MLXIP: variants seen among roughly 807,000 people sequenced by gnomAD.
MLXIP encodes MLX interacting protein.
In MLXIP, 30 loss-of-function variants were observed where a neutral mutation model predicts 87.2. The ratio of observed to expected loss-of-function variants is 0.34; its 90% CI spans 0.26 to 0.47. MLXIP has a LOEUF of 0.47. Among genes scored for constraint, MLXIP ranks in the 20% least tolerant of loss-of-function variants. The pLI, the probability that MLXIP is intolerant of heterozygous loss-of-function variation, is 1.00. For missense variants in MLXIP, 1,002 were observed against 1,240.1 expected, an observed-to-expected ratio of 0.81 and a Z score of 2.88; for synonymous variants, 530 against 514.0, an observed-to-expected ratio of 1.03 and a Z score of -0.42.
intron 5 of MLXIP, 126 bp downstream of exon 5, chr12:122,129,755 C>A: frequency 7.3e-7 from 1 of 1,366,474 alleles, no homozygotes; most frequent in Non-Finnish European, 1.0e-6. Flanking sequence ...TCAGGAATGG[C>A]TCAAGAAGCA....
At chr12:122,112,412 G>A (rs964005938) in intron 1 of MLXIP, among the ~76,000 whole-genome samples, 1 of 152,168 alleles carries the variant, frequency 6.6e-6, no homozygotes, top group Non-Finnish European at 1.5e-5. Context: ...GCCAAGGCAG[G>A]CGGATCACAA....
chr12:122,084,249 T>C (rs1952133988), intron 1 of MLXIP, among the ~76,000 whole-genome samples: 1 of 151,838 alleles, frequency 6.6e-6, no homozygotes, highest in Admixed American at 6.6e-5. Context: ...TCAATGTGTA[T>C]CTCCCCTTTC....
chr12:122,112,052 A>C (rs1952612721), intron 1 of MLXIP, among the ~76,000 whole-genome samples: 1 of 152,242 alleles, frequency 6.6e-6, no homozygotes, highest in Non-Finnish European at 1.5e-5. Flanking sequence ...TTGTTTTAAA[A>C]GATGATGGGT....
In MLXIP at chr12:122,137,399, A is replaced by AC; in HGVS notation, c.2033-66dup. 1.3e-6 allele frequency: 2 copies of AC among 1,553,856 alleles called. No individual in the cohort carries two copies. Among genetic ancestry groups the AC allele is most frequent in the Non-Finnish European group, 1.7e-6 (2 of 1,150,124 alleles). On this transcript the variant is annotated intron_variant, in intron 11 of 16. Coordinates refer to ENST00000319080, the MANE Select transcript of MLXIP (RefSeq NM_014938.6). The surrounding 1 kb of genome is among the most constrained non-coding windows in gnomAD (Gnocchi z 4.1). ...GCGAGCACCTCATAACCCTGCAGAGACCCCAGGCTGCCTCCTGGTGGCGTT... is the reference window on the plus strand; with the variant it reads ...GCGAGCACCTCATAACCCTGCAGAGACCCCCAGGCTGCCTCCTGGTGGCGTT...
At chr12:122,134,217 T>TC in intron 9 of MLXIP, 2 of 597,762 alleles carry the variant, frequency 3.3e-6, no homozygotes, top group Non-Finnish European at 5.5e-6. Context: ...TTTTTTTTTT[T>TC]TGAGACAGTC....
At chr12:122,099,786 A>G (rs1485669203) in intron 1 of MLXIP, among the ~76,000 whole-genome samples, 1 of 151,818 alleles carries the variant, frequency 6.6e-6, no homozygotes. Flanking sequence ...ATCCAAATAT[A>G]TTTGTGGAAA....
chr12:122,085,225 C>G (rs1238557070), intron 1 of MLXIP, among the ~76,000 whole-genome samples: 3 of 152,020 alleles, frequency 2.0e-5, no homozygotes, highest in Non-Finnish European at 4.4e-5. Flanking sequence ...TGGAAGGCAC[C>G]CTGATGTCAT....
intron 1 of MLXIP, among the ~76,000 whole-genome samples, chr12:122,094,979 TGG>T (rs1191927254): frequency 3.6e-5 from 5 of 140,432 alleles, no homozygotes; most frequent in African/African-American, 7.9e-5. Context: ...TTGTGGGGTG[TGG>T]GGGTATGTGT....
intron 1 of MLXIP, among the ~76,000 whole-genome samples, chr12:122,082,318 G>C (rs1308450456): frequency 6.6e-6 from 1 of 152,228 alleles, no homozygotes; most frequent in Non-Finnish European, 1.5e-5. Flanking sequence ...ATTTTGGAGA[G>C]AAGGGGTTGC....
chr12:122,083,108 T>C (rs1952115349), intron 1 of MLXIP, among the ~76,000 whole-genome samples: 1 of 152,170 alleles, frequency 6.6e-6, no homozygotes, highest in Admixed American at 6.6e-5. Context: ...GAGTGAGCTA[T>C]TGTGCCCAGC....
chr12:122,124,688 A>G (rs1331895335), intron 1 of MLXIP, among the ~76,000 whole-genome samples: 3 of 151,600 alleles, frequency 2.0e-5, no homozygotes, highest in Non-Finnish European at 2.9e-5. Context: ...ATACCCTTCA[A>G]TATATGTACC....
intron 1 of MLXIP, among the ~76,000 whole-genome samples, chr12:122,098,812 T>C (rs1565962997): frequency 6.6e-6 from 1 of 152,232 alleles, no homozygotes; most frequent in Non-Finnish European, 1.5e-5. Flanking sequence ...TTGGCTTCTC[T>C]TCTTCCACCT....
intron 1 of MLXIP, among the ~76,000 whole-genome samples, chr12:122,099,327 G>T (rs1952401630): frequency 6.6e-6 from 1 of 152,088 alleles, no homozygotes; most frequent in South Asian, 2.1e-4. Flanking sequence ...CTGTCTCTTG[G>T]TCCAGAGGGC....
chr12:122,129,512 A>C, intron 4 of MLXIP, 76 bp from the exon 5 acceptor site: 1 of 1,545,914 alleles, frequency 6.5e-7, no homozygotes, highest in Non-Finnish European at 8.8e-7. Context: ...CCTCCCTGAG[A>C]GTTCTGTATA....
At chr12:122,093,238 A>G (rs1952276155) in intron 1 of MLXIP, among the ~76,000 whole-genome samples, 6 of 115,868 alleles carry the variant, frequency 5.2e-5, no homozygotes, top group South Asian at 5.7e-4. Context: ...AGTGTATGGT[A>G]TGTGTTGGTG....
rs746727039 is a variant in MLXIP at position 122,138,310 on chromosome 12, G to T, written c.2256+15G>T. ...ATTCCAAGCTGGTGAGTTGCCAAGAGCGTGGGCTGTGGCAGGGCAGGGGAG... is the reference window on the plus strand; with the variant it reads ...ATTCCAAGCTGGTGAGTTGCCAAGATCGTGGGCTGTGGCAGGGCAGGGGAG... On this transcript the variant is annotated intron_variant, in intron 13 of 16. Transcript: ENST00000319080. 2 of 1,613,718 alleles carry T rather than the reference G, an allele frequency of 1.2e-6. No individual in the cohort carries two copies. Among genetic ancestry groups the T allele is most frequent in the Non-Finnish European group, 1.7e-6 (2 of 1,179,724 alleles).
intron 1 of MLXIP, among the ~76,000 whole-genome samples, chr12:122,107,902 G>T (rs952438348): frequency 2.0e-5 from 3 of 152,126 alleles, no homozygotes; most frequent in Non-Finnish European, 4.4e-5. Flanking sequence ...ATTGGAAGGT[G>T]GGGGGTTGCG....
chr12:122,085,283 C>T (rs1952151071), intron 1 of MLXIP, among the ~76,000 whole-genome samples: 1 of 152,274 alleles, frequency 6.6e-6, no homozygotes, highest in South Asian at 2.1e-4. Context: ...TCCCTGCTGT[C>T]TTCACCTTTG....
intron 1 of MLXIP, among the ~76,000 whole-genome samples, chr12:122,111,180 A>T (rs1242075345): frequency 6.6e-6 from 1 of 152,182 alleles, no homozygotes; most frequent in Non-Finnish European, 1.5e-5. Context: ...TTGACTTGTA[A>T]GTAGGCTGTG....
Sources: gnomAD v4.1 joint callset for allele counts (sites outside exome capture counted in the v4.1 genomes callset) on GRCh38, gnomAD v4.1.1 for gene constraint, Gnocchi (gnomAD v3.1) non-coding constraint, MANE v1.5 for transcripts, NCBI Gene and HGNC (gene_info 2026-07-23, HGNC 2026-07-21) for gene names.